The following RANBP2 variants were observed in gnomAD, a reference collection of about 807,000 sequenced individuals.
RANBP2 encodes the protein RAN binding protein 2, also known as E3 SUMO-protein ligase RanBP2.
In RANBP2, 57 loss-of-function variants were observed where a neutral mutation model predicts 303.6. The observed-to-expected ratio is 0.19, with a 90% CI of 0.15 to 0.23. The LOEUF (loss-of-function observed/expected upper bound fraction) is 0.23. Ranked by LOEUF, RANBP2 falls within the 10% of genes least tolerant of loss-of-function variation. RANBP2 has a pLI of 1.00. For missense variants in RANBP2, 3,138 were observed against 3,780.8 expected (o/e 0.83, Z 4.46); for synonymous variants, 1,167 against 1,301.5 (o/e 0.90, Z 2.23).
At chr2:109,680,713 T>C in the RANBP2 span, among the ~76,000 whole-genome samples, 1 of 152,216 alleles carries the variant, frequency 6.6e-6, no homozygotes, top group African/African-American at 2.4e-5. Context: ...TCACCTTTTT[T>C]CAGACCTTTC....
Position 108,753,838 on chromosome 2 carries a change from A to T in RANBP2, c.2069A>T (p.Lys690Met). 6.2e-7 allele frequency: 1 copy of T among 1,612,014 alleles called. No homozygotes were observed. The highest frequency in any genetic ancestry group is 8.5e-7 in the Non-Finnish European group (1 of 1,179,840). ...YWNLALIFHR[K>M]AEDIENDALS... ...CTATTTGTATAGATTTTTCACAGGA[A>T]GGCAGAAGACATTGAAAATGATGCC... Residue 690 changes from lysine (K) to methionine (M), a missense_variant, in exon 15 of 29, where the codon AAG becomes ATG. Coordinates refer to ENST00000283195, the MANE Select transcript of RANBP2 (RefSeq NM_006267.5).
At chr2:109,642,617 C>T in the RANBP2 span, among the ~76,000 whole-genome samples, 7 of 149,488 alleles carry the variant, frequency 4.7e-5, no homozygotes, top group African/African-American at 9.9e-5. Flanking sequence ...GGCATGGTGA[C>T]GTGCACCTGT....
chr2:108,770,791 A>G (rs1407251318), intron 20 of RANBP2, among the ~76,000 whole-genome samples: 1 of 152,220 alleles, frequency 6.6e-6, no homozygotes, highest in Non-Finnish European at 1.5e-5. Context: ...GATATTTTAC[A>G]TTATTGTTTT....
At chr2:108,870,411 G>A in the RANBP2 span, among the ~76,000 whole-genome samples, 2 of 152,088 alleles carry the variant, frequency 1.3e-5, no homozygotes, top group Non-Finnish European at 1.5e-5. Context: ...AGTCCAGAAG[G>A]AGAAAAAAGA....
At chr2:108,781,461 A>G (rs1678252115) in intron 26 of RANBP2, 32 bp downstream of exon 26, 11 of 1,607,136 alleles carry the variant, frequency 6.8e-6, no homozygotes, top group Non-Finnish European at 9.4e-6. Context: ...TTTTACTAAT[A>G]ACTTATTTTT....
chr2:109,226,025 T>G, the RANBP2 span, among the ~76,000 whole-genome samples: 151 of 152,382 alleles, frequency 9.9e-4, 1 homozygote, highest in African/African-American at 3.4e-3. Context: ...AGTAGTATTT[T>G]GTCAGGAAAA....
chr2:109,405,505 G>A, the RANBP2 span, among the ~76,000 whole-genome samples: 6,252 of 152,072 alleles, frequency 0.041, 278 homozygotes, highest in African/African-American at 0.11. Flanking sequence ...TGCGCACCAC[G>A]CTGCTCTGGC....
the RANBP2 span, among the ~76,000 whole-genome samples, chr2:109,015,623 T>C: frequency 6.6e-6 from 1 of 151,822 alleles, no homozygotes; most frequent in Non-Finnish European, 1.5e-5. Context: ...CTGGGCATGA[T>C]GGGGAGTGCC....
chr2:109,600,937 G>C, the RANBP2 span, among the ~76,000 whole-genome samples: 1 of 152,218 alleles, frequency 6.6e-6, no homozygotes, highest in East Asian at 1.9e-4. Flanking sequence ...CAGATAAAGA[G>C]ATACAAAGCT....
At chr2:109,748,872 CAATAAATAAATA>C in the RANBP2 span, among the ~76,000 whole-genome samples, 21 of 45,042 alleles carry the variant, frequency 4.7e-4, 2 homozygotes, top group Non-Finnish European at 7.4e-4. Context: ...GACTCCATCT[CAATAAATAAATA>C]AATAAATAAA....
At chr2:109,088,379 A>C in the RANBP2 span, among the ~76,000 whole-genome samples, 4 of 140,814 alleles carry the variant, frequency 2.8e-5, no homozygotes, top group Admixed American at 7.2e-5. Context: ...CCTGGGTGAC[A>C]GAGCAAGATT....
the RANBP2 span, among the ~76,000 whole-genome samples, chr2:109,639,347 G>A: frequency 6.6e-5 from 10 of 152,170 alleles, no homozygotes; most frequent in Non-Finnish European, 1.0e-4. Context: ...TCAGCTGGAC[G>A]CGGTGGCTCA....
chr2:108,735,300 G>T (rs946922372), intron 4 of RANBP2, among the ~76,000 whole-genome samples: 23 of 152,302 alleles, frequency 1.5e-4, no homozygotes, highest in South Asian at 1.2e-3. Context: ...TCTCTGAAGA[G>T]AGTATGAGCT....
At chr2:108,794,787 A>G in the RANBP2 span, 3 of 1,106,112 alleles carry the variant, frequency 2.7e-6, no homozygotes, top group Non-Finnish European at 3.7e-6. Context: ...GCATTTACGA[A>G]ATTTGAATAT....
the RANBP2 span, among the ~76,000 whole-genome samples, chr2:109,374,425 C>T: frequency 1.6e-3 from 243 of 152,346 alleles, no homozygotes; most frequent in African/African-American, 5.2e-3. Context: ...ACTGCTTGCA[C>T]GCCACACACC....
the RANBP2 span, chr2:109,616,384 T>A: frequency 4.7e-6 from 1 of 210,730 alleles, no homozygotes; most frequent in Non-Finnish European, 1.0e-5. Flanking sequence ...TTCCTTTGCT[T>A]TAACCATTCC....
At chr2:109,592,378 T>C in the RANBP2 span, among the ~76,000 whole-genome samples, 1 of 151,978 alleles carries the variant, frequency 6.6e-6, no homozygotes, top group Non-Finnish European at 1.5e-5. Flanking sequence ...GGCATGAGAA[T>C]TGCTTGAACC....
intron 17 of RANBP2, among the ~76,000 whole-genome samples, chr2:108,757,531 C>T (rs549269083): frequency 6.6e-6 from 1 of 152,144 alleles, no homozygotes; most frequent in East Asian, 1.9e-4. Flanking sequence ...ATAATAAATT[C>T]TCTGCAGCTA....
chr2:109,162,172 G>A, the RANBP2 span, among the ~76,000 whole-genome samples: 297 of 152,278 alleles, frequency 2.0e-3, 2 homozygotes, highest in African/African-American at 6.8e-3. Context: ...CTGGAAAGAC[G>A]CCAGGACAGA....
Sources: allele counts gnomAD v4.1 joint callset (sites outside exome capture counted in the v4.1 genomes callset), GRCh38; gene constraint gnomAD v4.1.1; transcripts MANE v1.5; gene names NCBI Gene and HGNC (gene_info 2026-07-23, HGNC 2026-07-21).